Variants in PSMD1 observed in about 807,000 individuals in gnomAD.
PSMD1 encodes the protein proteasome 26S subunit, non-ATPase 1.
PSMD1 carries 18 observed loss-of-function variants against 119.0 expected under a neutral mutation model. That is an observed-to-expected ratio of 0.15 (90% CI 0.10 to 0.22). The LOEUF (loss-of-function observed/expected upper bound fraction) is 0.22, where lower values mean the gene tolerates loss of function less well. PSMD1 is among the 10% of genes least tolerant of loss of function. The probability of loss-of-function intolerance (pLI) is 1.00; values close to 1 mark genes in which losing one functional copy is unlikely to be tolerated. For synonymous variants in PSMD1, 374 were observed against 396.6 expected (o/e 0.94, Z 0.68); for missense variants, 702 against 1,158.5 (o/e 0.61, Z 5.72).
chr2:231,066,069 C>CGG (rs2125155221), intron 4 of PSMD1, among the ~76,000 whole-genome samples: 1 of 152,248 alleles, frequency 6.6e-6, no homozygotes, highest in East Asian at 1.9e-4. Context: ...TACCATAGAG[C>CGG]CTAGGTATGT....
chr2:231,083,074 T>G (rs998865366), intron 13 of PSMD1, 80 bp downstream of exon 13: 1 of 1,063,922 alleles, frequency 9.4e-7, no homozygotes, highest in African/African-American at 1.6e-5. Flanking sequence ...ACCTATATTT[T>G]GTAGCCTCTT....
rs1694280573 is a variant in PSMD1, at chr2:231,080,370, A to G, written c.1413+56A>G. The G allele has an allele frequency of 4.4e-6, 6 of 1,373,200 alleles. No homozygotes were observed. In the African/African-American group the frequency reaches 8.9e-5, roughly 20 times the overall value. The allele number at this position is 1,373,200 out of a possible 1,614,324, so 85.1% of individuals were successfully genotyped here. A position where few individuals can be genotyped will look rare whatever the true frequency, so the allele number is the denominator to read the frequency against. ...AAAACTCAAGAATCCAGGATAACAT[A>G]TTTGCCACATTATTTTAGTGACTGG... On this transcript the variant is annotated intron_variant, in intron 12 of 24. Coordinates refer to ENST00000308696, the MANE Select transcript of PSMD1 (RefSeq NM_002807.4).
Position 231,056,986 on chromosome 2 carries a change from G to C in PSMD1, c.-40G>C. 6.5e-7 allele frequency: 1 copy of C among 1,540,442 alleles called. No individual in the cohort carries two copies. Among genetic ancestry groups the C allele is most frequent in the Non-Finnish European group, 8.7e-7 (1 of 1,144,624 alleles). On this transcript the variant is annotated 5_prime_UTR_variant, in exon 1 of 25. Coordinates refer to ENST00000308696, the MANE Select transcript of PSMD1 (RefSeq NM_002807.4). ...AGCTGACAGATACACTGCGCAGCTG[G>C]AACGGCGAGCGAGCCGACGGGCGAG... is the stretch of plus-strand genomic sequence containing the variant.
intron 18 of PSMD1, among the ~76,000 whole-genome samples, chr2:231,149,361 T>A (rs948627556): frequency 1.3e-5 from 2 of 152,222 alleles, no homozygotes; most frequent in African/African-American, 4.8e-5. Flanking sequence ...TTTGTTTTTC[T>A]TGTTAAATGA....
intron 16 of PSMD1, among the ~76,000 whole-genome samples, chr2:231,100,170 A>G (rs113146646): frequency 3.3e-5 from 5 of 152,298 alleles, no homozygotes; most frequent in African/African-American, 9.6e-5. Flanking sequence ...AAATTGTTAC[A>G]TATAAAGTTT....
chr2:231,090,171 A>G (rs886145841), intron 16 of PSMD1, among the ~76,000 whole-genome samples: 6 of 152,268 alleles, frequency 3.9e-5, no homozygotes, highest in African/African-American at 1.4e-4. Context: ...TGCTAACACA[A>G]TAACCATTCT....
chr2:231,083,019 C>A, intron 13 of PSMD1, 25 bp downstream of exon 13: 1 of 1,498,322 alleles, frequency 6.7e-7, no homozygotes, highest in South Asian at 1.1e-5. Flanking sequence ...CTAAAGCTAA[C>A]AAGCTTAAGT....
chr2:231,068,223 C>G (rs1693953099), intron 5 of PSMD1, among the ~76,000 whole-genome samples: 1 of 152,126 alleles, frequency 6.6e-6, no homozygotes, highest in African/African-American at 2.4e-5. Flanking sequence ...GCCTTTTTCA[C>G]CACTGTATCC....
At chr2:231,141,083 G>A (rs1367400203) in intron 17 of PSMD1, among the ~76,000 whole-genome samples, 9 of 152,132 alleles carry the variant, frequency 5.9e-5, no homozygotes, top group African/African-American at 1.4e-4. Context: ...CGAGGCGGGC[G>A]GATCACCTGA....
intron 16 of PSMD1, among the ~76,000 whole-genome samples, chr2:231,116,134 T>C (rs564629785): frequency 6.6e-6 from 1 of 152,266 alleles, no homozygotes; most frequent in East Asian, 1.9e-4. Context: ...CTCTTAGCCA[T>C]AGCATTCAGA....
intron 16 of PSMD1, chr2:231,124,030 G>A: frequency 2.4e-6 from 1 of 422,268 alleles, no homozygotes; most frequent in Non-Finnish European, 4.4e-6. Flanking sequence ...ACTGATAGCT[G>A]TGAAAAAAAT....
At chr2:231,112,917 C>T (rs557293055) in intron 16 of PSMD1, among the ~76,000 whole-genome samples, 1 of 152,274 alleles carries the variant, frequency 6.6e-6, no homozygotes, top group South Asian at 2.1e-4. Context: ...GTAATCCCAG[C>T]ACTTTGGGAG....
chr2:231,109,539 A>G, intron 16 of PSMD1: 1 of 773,860 alleles, frequency 1.3e-6, no homozygotes, highest in Non-Finnish European at 2.1e-6. Context: ...CCCACAATGC[A>G]GGATTTGTCG....
intron 16 of PSMD1, chr2:231,108,623 C>T: frequency 6.2e-7 from 1 of 1,613,986 alleles, no homozygotes; most frequent in Non-Finnish European, 8.5e-7. Context: ...ACTTCGGAGC[C>T]TCATTGGACT....
At chr2:231,061,206 T>C (rs1693749166) in intron 1 of PSMD1, 61 bp from the exon 2 acceptor site, 1 of 1,325,796 alleles carries the variant, frequency 7.5e-7, no homozygotes, top group African/African-American at 1.5e-5. Context: ...TTTGACCAGG[T>C]GTTAATTTCC....
rs559774547 is a variant in PSMD1, at chr2:231,063,187, A to G, written c.304+512A>G. Among the ~76,000 whole-genome samples, 4 of 152,362 alleles carry G rather than the reference A, an allele frequency of 2.6e-5. No individual in the cohort carries two copies. The East Asian group carries it at 7.7e-4, about 29-fold the overall frequency. On this transcript the variant is annotated intron_variant, in intron 4 of 24. Transcript: ENST00000308696. ...TAAAACCCATACTGTTTCTATTTGT[A>G]ACCGTTGTTTTCTTACTTGTTTCCT...
intron 16 of PSMD1, among the ~76,000 whole-genome samples, chr2:231,136,926 TTA>T (rs928936840): frequency 3.4e-5 from 5 of 146,056 alleles, no homozygotes; most frequent in Admixed American, 7.0e-5. Flanking sequence ...TTTGCCACTT[TTA>T]TATATATAAT....
chr2:231,109,363 G>A, intron 16 of PSMD1: 1 of 1,614,114 alleles, frequency 6.2e-7, no homozygotes, highest in Non-Finnish European at 8.5e-7. Context: ...TGTTTGGGTT[G>A]TCCACATCAG....
intron 16 of PSMD1, among the ~76,000 whole-genome samples, chr2:231,135,646 C>G (rs980470098): frequency 6.6e-6 from 1 of 152,116 alleles, no homozygotes; most frequent in Non-Finnish European, 1.5e-5. Context: ...TCAAGAAAAT[C>G]TATCTCTAAT....
Sources: gnomAD v4.1 joint callset for allele counts (sites outside exome capture counted in the v4.1 genomes callset) on GRCh38, gnomAD v4.1.1 for gene constraint, MANE v1.5 for transcripts, NCBI Gene and HGNC (gene_info 2026-07-23, HGNC 2026-07-21) for gene names.